CERS4: variants seen among roughly 807,000 people sequenced by gnomAD.
CERS4 encodes ceramide synthase 4, also known as LAG1 homolog, ceramide synthase 4.
CERS4 carries 65 observed loss-of-function variants against 51.8 expected under a neutral mutation model. The ratio of observed to expected loss-of-function variants is 1.26; its 90% confidence interval spans 1.03 to 1.54. The LOEUF (loss-of-function observed/expected upper bound fraction) is 1.54, where lower values mean the gene tolerates loss of function less well. Among genes scored for constraint, CERS4 ranks in the 40% most tolerant of loss-of-function variants. The probability of loss-of-function intolerance (pLI) is 0.00; values close to 1 mark genes in which losing one functional copy is unlikely to be tolerated. For missense variants in CERS4, 563 were observed against 500.4 expected, an observed-to-expected ratio of 1.13 and a Z score of -1.19; for synonymous variants, 228 against 208.4, an observed-to-expected ratio of 1.09 and a Z score of -0.81.
At chr19:8,246,653 T>C (rs918829922) in intron 2 of CERS4, among the ~76,000 whole-genome samples, 7 of 152,142 alleles carry the variant, frequency 4.6e-5, no homozygotes, top group African/African-American at 1.7e-4. Context: ...TGTGCTGACA[T>C]GTGTAGGGGC....
chr19:8,231,439 C>A (rs1416597546), intron 2 of CERS4, among the ~76,000 whole-genome samples: 1 of 152,158 alleles, frequency 6.6e-6, no homozygotes, highest in African/African-American at 2.4e-5. Context: ...GTTCTGTTAG[C>A]CTCAGCAAGG....
intron 1 of CERS4, 198 bp downstream of exon 1, chr19:8,209,692 A>G (rs2145142824): frequency 6.6e-6 from 1 of 152,282 alleles, no homozygotes; most frequent in East Asian, 1.9e-4. Context: ...GCGCTCCCCC[A>G]CGAGGGCCGG....
Position 8,261,837 on chromosome 19 carries a change from A to C in CERS4, c.998A>C (p.Lys333Thr), listed in dbSNP as rs766667000. Residue 333 changes from lysine (K) to threonine (T), a missense_variant, in exon 11 of 12, where the codon AAG becomes ACG. Physicochemically the swap from Lys to Thr is moderately conservative, Grantham distance 78 (BLOSUM62 -1). Transcript: ENST00000251363. Reference protein sequence around the residue: ...ILRMLYSFMKKGQMEKDIRSD... With the variant: ...ILRMLYSFMKTGQMEKDIRSD... ...CGCATGCTCTATAGCTTCATGAAGAAGGGCCAGGTATGGCTGGACCTCCCC... is the reference window on the plus strand; with the variant it reads ...CGCATGCTCTATAGCTTCATGAAGACGGGCCAGGTATGGCTGGACCTCCCC... 6.2e-7 allele frequency: 1 copy of C among 1,614,160 alleles called. No homozygotes were observed. Among genetic ancestry groups the C allele is most frequent in the Non-Finnish European group, 8.5e-7 (1 of 1,180,008 alleles).
chr19:8,259,934 C>T (rs1006568934), intron 10 of CERS4, among the ~76,000 whole-genome samples: 3 of 152,104 alleles, frequency 2.0e-5, no homozygotes, highest in South Asian at 2.1e-4. Context: ...AGTCAGATTA[C>T]ATCCCTCCTC....
At chr19:8,212,872 T>C (rs1967137300) in intron 2 of CERS4, among the ~76,000 whole-genome samples, 1 of 151,832 alleles carries the variant, frequency 6.6e-6, no homozygotes, top group African/African-American at 2.4e-5. Flanking sequence ...GGTCTCGAAC[T>C]CCTGACCTCA....
In CERS4 at chr19:8,254,734, A is replaced by C. The variant is rs1300833928; in HGVS notation, c.291+118A>C. ...CAAGGTGGCTGCAGGCACCCCTGCA[A>C]TGCCCCTACTTTCCACTCTTCATCC... On this transcript the variant is annotated intron_variant, in intron 4 of 11. Transcript: ENST00000251363. 3 of 815,232 alleles carry C rather than the reference A, an allele frequency of 3.7e-6. No homozygotes were observed. The African/African-American group carries it at 5.1e-5, about 14-fold the overall frequency. The allele number at this position is 815,232 out of a possible 1,614,324, so 50.5% of individuals were successfully genotyped here. A position where few individuals can be genotyped will look rare whatever the true frequency, so the allele number is the denominator to read the frequency against.
chr19:8,232,723 CT>C (rs71165298), intron 2 of CERS4, among the ~76,000 whole-genome samples: 42,445 of 138,222 alleles, frequency 0.31, 5,973 homozygotes, highest in East Asian at 0.53. Context: ...TTATTTAAAC[CT>C]TTTTTTTTTT....
intron 1 of CERS4, 45 bp downstream of exon 1, chr19:8,209,539 C>T (rs1967001165): frequency 1.3e-5 from 2 of 152,098 alleles, no homozygotes; most frequent in South Asian, 4.1e-4. Flanking sequence ...GAACGCCACC[C>T]TCACGGCGGT....
intron 2 of CERS4, among the ~76,000 whole-genome samples, chr19:8,233,543 T>C (rs1968108709): frequency 6.6e-6 from 1 of 152,056 alleles, no homozygotes. Flanking sequence ...TGTGGCTGAC[T>C]TCACCATTAC....
Position 8,262,288 on chromosome 19 carries a change from C to G in CERS4, c.*179C>G. On this transcript the variant is annotated 3_prime_UTR_variant, in exon 12 of 12. Transcript: ENST00000251363. ...CCTTCTGCCCACCCACCCTTCTTCC[C>G]TCTGGGCAACTGGACAGATCTGGGA... is the stretch of plus-strand genomic sequence containing the variant. 1 of 565,144 alleles carries G rather than the reference C, an allele frequency of 1.8e-6. No individual in the cohort carries two copies. The highest frequency in any genetic ancestry group is 5.5e-5 in the South Asian group (1 of 18,234). The allele number at this position is 565,144 out of a possible 1,614,324, so 35.0% of individuals were successfully genotyped here. A position where few individuals can be genotyped will look rare whatever the true frequency, so the allele number is the denominator to read the frequency against.
intron 2 of CERS4, among the ~76,000 whole-genome samples, chr19:8,233,927 G>T (rs1176617474): frequency 6.6e-6 from 1 of 151,840 alleles, no homozygotes; most frequent in African/African-American, 2.4e-5. Context: ...GGCTGAAGTG[G>T]GAGGACCACT....
At chr19:8,215,929 G>T (rs540236341) in intron 2 of CERS4, among the ~76,000 whole-genome samples, 77 of 152,272 alleles carry the variant, frequency 5.1e-4, no homozygotes, top group African/African-American at 1.7e-3. Context: ...GTGAGGGCAG[G>T]CATAAGCCAC....
chr19:8,254,382 G>A (rs921985054), intron 3 of CERS4, 117 bp from the exon 4 acceptor site: 7 of 745,310 alleles, frequency 9.4e-6, no homozygotes, highest in Admixed American at 2.0e-5. Flanking sequence ...TGCTCTCTGA[G>A]CCTGTAACTT....
intron 9 of CERS4, among the ~76,000 whole-genome samples, chr19:8,257,379 CCT>C (rs1568539388): frequency 6.6e-6 from 1 of 152,224 alleles, no homozygotes; most frequent in African/African-American, 2.4e-5. Context: ...AAGCCCTGCC[CCT>C]CTCAGCTCCC....
chr19:8,251,757 T>C (rs190382523), intron 3 of CERS4, among the ~76,000 whole-genome samples: 1 of 151,740 alleles, frequency 6.6e-6, no homozygotes, highest in African/African-American at 2.4e-5. Context: ...TGAGCCAAGA[T>C]TGTGCCGCTG....
At chr19:8,214,320 G>A (rs1967201368) in intron 2 of CERS4, 1 of 152,342 alleles carries the variant, frequency 6.6e-6, no homozygotes, top group Non-Finnish European at 1.5e-5. Flanking sequence ...GGAGGCACTG[G>A]GGACAGACAG....
chr19:8,231,406 G>C (rs1275880082), intron 2 of CERS4, among the ~76,000 whole-genome samples: 1 of 152,148 alleles, frequency 6.6e-6, no homozygotes, highest in African/African-American at 2.4e-5. Flanking sequence ...CCTGTGGTGG[G>C]TAGCAGATGA....
chr19:8,237,480 A>G (rs903032286), intron 2 of CERS4, among the ~76,000 whole-genome samples: 5 of 151,770 alleles, frequency 3.3e-5, no homozygotes, highest in African/African-American at 1.2e-4. Flanking sequence ...ACTTGAACCC[A>G]GGAAGTAGAG....
intron 2 of CERS4, among the ~76,000 whole-genome samples, chr19:8,235,842 G>A (rs1006292568): frequency 1.2e-4 from 18 of 151,832 alleles, no homozygotes; most frequent in African/African-American, 4.4e-4. Flanking sequence ...GCTGCAATGA[G>A]CTGTGATCGT....
Sources: allele counts gnomAD v4.1 joint callset (sites outside exome capture counted in the v4.1 genomes callset), GRCh38; gene constraint gnomAD v4.1.1; transcripts MANE v1.5; gene names NCBI Gene and HGNC (gene_info 2026-07-23, HGNC 2026-07-21).